The following KLF12 variants were observed in gnomAD, a reference collection of about 807,000 sequenced individuals.
KLF12 encodes KLF transcription factor 12.
In KLF12, 9 loss-of-function variants were observed where a neutral mutation model predicts 37.8. The ratio of observed to expected loss-of-function variants is 0.24; its 90% CI spans 0.14 to 0.42. KLF12 has a LOEUF of 0.42. Among genes scored for constraint, KLF12 ranks in the 10% least tolerant of loss-of-function variants. The probability of loss-of-function intolerance (pLI) is 1.00; values close to 1 mark genes in which losing one functional copy is unlikely to be tolerated. For missense variants in KLF12, 411 were observed against 516.0 expected (o/e 0.80, Z 1.97); for synonymous variants, 208 against 202.1 (o/e 1.03, Z -0.25).
the KLF12 span, among the ~76,000 whole-genome samples, chr13:74,172,356 T>G: frequency 2.6e-5 from 4 of 152,154 alleles, no homozygotes; most frequent in Non-Finnish European, 2.9e-5. Context: ...CAGATAAAAG[T>G]AACAGAAAGA....
intron 3 of KLF12, among the ~76,000 whole-genome samples, chr13:73,862,828 G>A (rs1436398030): frequency 6.6e-6 from 1 of 152,134 alleles, no homozygotes; most frequent in African/African-American, 2.4e-5. Flanking sequence ...TGGTTCCCAT[G>A]AGATAAAGTT....
At chr13:74,206,896 T>G in the KLF12 span, among the ~76,000 whole-genome samples, 3 of 152,218 alleles carry the variant, frequency 2.0e-5, no homozygotes. Flanking sequence ...AATATCCTAA[T>G]GAGCACTTTT....
chr13:73,829,255 A>G (rs1273412268), intron 4 of KLF12, among the ~76,000 whole-genome samples: 1 of 152,240 alleles, frequency 6.6e-6, no homozygotes, highest in Non-Finnish European at 1.5e-5. Context: ...AAAGGCTGAA[A>G]AATTGGAGAT....
chr13:74,284,503 C>G, the KLF12 span, among the ~76,000 whole-genome samples: 6 of 152,192 alleles, frequency 3.9e-5, no homozygotes, highest in Admixed American at 3.3e-4. Context: ...TTGGCCCACT[C>G]TGCTAAGGTG....
chr13:74,287,659 A>C, the KLF12 span, among the ~76,000 whole-genome samples: 1 of 152,214 alleles, frequency 6.6e-6, no homozygotes, highest in East Asian at 1.9e-4. Context: ...GAACAAAGCA[A>C]AGAGAAGCAA....
intron 1 of KLF12, among the ~76,000 whole-genome samples, chr13:74,062,365 A>G (rs892807143): frequency 6.6e-6 from 1 of 152,140 alleles, no homozygotes; most frequent in Admixed American, 6.5e-5. Flanking sequence ...AAAGGGATGA[A>G]GCTGTGTACA....
Position 73,834,186 on chromosome 13 carries a change from A to G in KLF12, c.670+11641T>C, listed in dbSNP as rs1424105558. On this transcript the variant is annotated intron_variant, in intron 4 of 7. Coordinates refer to ENST00000377669, the MANE Select transcript of KLF12 (RefSeq NM_007249.5). ...TATTTTAGAAATGAGCATTTATAAC[A>G]ATATAAACCACATTATATAAGCACC... Among the ~76,000 whole-genome samples the G allele has an allele frequency of 2.6e-5, 4 of 152,300 alleles. No individual in the cohort carries two copies. In the South Asian group the frequency reaches 6.2e-4, roughly 24 times the overall value.
At chr13:73,966,186 G>T (rs565123092) in intron 2 of KLF12, among the ~76,000 whole-genome samples, 100 of 152,232 alleles carry the variant, frequency 6.6e-4, no homozygotes, top group African/African-American at 2.4e-3. Flanking sequence ...GAAAGATGTA[G>T]AAATGTGCCC....
chr13:74,276,364 T>C, the KLF12 span, among the ~76,000 whole-genome samples: 2 of 152,140 alleles, frequency 1.3e-5, no homozygotes. Context: ...CCTTCTACCT[T>C]GGCCTCCCAA....
chr13:74,060,706 A>G (rs1244256654), intron 1 of KLF12, among the ~76,000 whole-genome samples: 1 of 152,158 alleles, frequency 6.6e-6, no homozygotes, highest in Non-Finnish European at 1.5e-5. Context: ...AGATCATGCC[A>G]TCAGTGAACA....
At chr13:73,964,823 A>G (rs915884166) in intron 2 of KLF12, among the ~76,000 whole-genome samples, 4 of 152,148 alleles carry the variant, frequency 2.6e-5, no homozygotes, top group Admixed American at 6.6e-5. Flanking sequence ...CTTTACTTCA[A>G]AAACAAAAAA....
At chr13:73,974,310 C>CAAAAAAAAAAAAAAA (rs61516158) in intron 2 of KLF12, among the ~76,000 whole-genome samples, 38 of 146,252 alleles carry the variant, frequency 2.6e-4, no homozygotes, top group African/African-American at 8.4e-4. Flanking sequence ...AACTTCAAGA[C>CAAAAAAAAAAAAAAA]AAAAAAAAAA....
At chr13:73,703,766 A>G in intron 7 of KLF12, among the ~76,000 whole-genome samples, 1 of 152,174 alleles carries the variant, frequency 6.6e-6, no homozygotes, top group Non-Finnish European at 1.5e-5. Context: ...CCCAGTTAGC[A>G]TGTGTCTCAA....
chr13:74,137,909 C>G (rs566806204), upstream of KLF12, among the ~76,000 whole-genome samples: 3 of 152,168 alleles, frequency 2.0e-5, no homozygotes, highest in Non-Finnish European at 4.4e-5. Context: ...TACGGGCATG[C>G]GCCACCACGC....
At chr13:73,776,760 C>A (rs1393992266) in intron 5 of KLF12, among the ~76,000 whole-genome samples, 1 of 152,136 alleles carries the variant, frequency 6.6e-6, no homozygotes, top group Non-Finnish European at 1.5e-5. Flanking sequence ...TAAAGCACAT[C>A]TGGTTGTTAT....
At chr13:73,802,276 A>C (rs1882318484) in intron 5 of KLF12, 1 of 152,176 alleles carries the variant, frequency 6.6e-6, no homozygotes, top group South Asian at 2.1e-4. Flanking sequence ...CTTGGAACTA[A>C]AGTTGCATCA....
At chr13:74,216,712 G>A in the KLF12 span, among the ~76,000 whole-genome samples, 8 of 152,068 alleles carry the variant, frequency 5.3e-5, no homozygotes, top group African/African-American at 1.9e-4. Context: ...AGATGCACAG[G>A]GCCAAGAGGC....
intron 2 of KLF12, among the ~76,000 whole-genome samples, chr13:73,987,807 T>G (rs1381720770): frequency 5.0e-5 from 2 of 39,940 alleles, no homozygotes; most frequent in Non-Finnish European, 9.2e-5. Flanking sequence ...AGAGAGAAAG[T>G]GGGGGGGTAG....
the KLF12 span, among the ~76,000 whole-genome samples, chr13:74,188,828 T>C: frequency 6.6e-6 from 1 of 152,062 alleles, no homozygotes; most frequent in Non-Finnish European, 1.5e-5. Flanking sequence ...AAACCCCGTC[T>C]TTACTAAAAA....
Sources: allele counts gnomAD v4.1 joint callset (sites outside exome capture counted in the v4.1 genomes callset), GRCh38; gene constraint gnomAD v4.1.1; transcripts MANE v1.5; gene names NCBI Gene and HGNC (gene_info 2026-07-23, HGNC 2026-07-21).